The following NRDE2 variants were observed in gnomAD, a reference collection of about 807,000 sequenced individuals.
NRDE2 encodes the protein NRDE-2, necessary for RNA interference, domain containing.
Under a neutral mutation model 124.2 loss-of-function variants are expected in NRDE2, and 76 were observed. That is an observed-to-expected ratio of 0.61 (90% CI 0.51 to 0.74). The LOEUF (loss-of-function observed/expected upper bound fraction) is 0.74. Ranked by LOEUF, NRDE2 falls within the 30% of genes least tolerant of loss-of-function variation. NRDE2 has a pLI of 0.00. For synonymous variants in NRDE2, 489 were observed against 528.1 expected, an observed-to-expected ratio of 0.93 and a Z score of 1.01; for missense variants, 1,314 against 1,417.3, an observed-to-expected ratio of 0.93 and a Z score of 1.17.
At chr14:90,283,493 C>T (rs1892010959) in intron 12 of NRDE2, among the ~76,000 whole-genome samples, 1 of 152,116 alleles carries the variant, frequency 6.6e-6, no homozygotes, top group South Asian at 2.1e-4. Flanking sequence ...TATCAGGGAG[C>T]ATCTGCTCTG....
rs1378550403 is a variant in NRDE2, at chr14:90,270,177, C to G, written c.*8159G>C. ...CTGGGTTTGGATGTTGGTGTGACTT[C>G]AAATCTCTTTGTACCTGCAGGCCGC... On this transcript the variant is annotated 3_prime_UTR_variant, in exon 14 of 14. Coordinates refer to ENST00000354366, the MANE Select transcript of NRDE2 (RefSeq NM_017970.4). 6.2e-7 allele frequency: 1 copy of G among 1,611,838 alleles called. No individual in the cohort carries two copies. The highest frequency in any genetic ancestry group is 8.5e-7 in the Non-Finnish European group (1 of 1,178,356).
chr14:90,272,228 A>AG lies in NRDE2; in HGVS notation c.*6107_*6108insC, dbSNP rs754570350. On this transcript the variant is annotated 3_prime_UTR_variant, in exon 14 of 14. Transcript: ENST00000354366. This position sits in a 1 kb window ranked among gnomAD's most constrained non-coding sequence, Gnocchi z 4.5. The stretch of plus-strand genomic sequence containing the variant: ...GTTTTTTGGAATTCCTTGTTAGAAT[A>AG]AAAATGAGTATGTCACTTTCTGAAC... The AG allele has an allele frequency of 6.3e-6, 10 of 1,594,018 alleles. No individual in the cohort carries two copies. The highest frequency in any genetic ancestry group is 8.5e-6 in the Non-Finnish European group (10 of 1,174,308).
intron 8 of NRDE2, among the ~76,000 whole-genome samples, chr14:90,297,603 T>C (rs1477847554): frequency 6.6e-6 from 1 of 152,116 alleles, no homozygotes; most frequent in East Asian, 1.9e-4. Context: ...GTCTGTACAC[T>C]GACAGGATAA....
intron 1 of NRDE2, among the ~76,000 whole-genome samples, chr14:90,320,426 G>A (rs962102625): frequency 4.6e-5 from 7 of 152,138 alleles, no homozygotes; most frequent in South Asian, 2.1e-4. Flanking sequence ...AGCATGGGGC[G>A]AACTGCCCCC....
chr14:90,317,387 T>C (rs1449434594), intron 2 of NRDE2, among the ~76,000 whole-genome samples: 1 of 152,186 alleles, frequency 6.6e-6, no homozygotes, highest in Non-Finnish European at 1.5e-5. Context: ...GAGATGACAA[T>C]GAGCTCTTCT....
rs563699361 is a variant in NRDE2 at position 90,276,873 on chromosome 14, C to T, written c.*1463G>A. On this transcript the variant is annotated 3_prime_UTR_variant, in exon 14 of 14. Transcript: ENST00000354366. The stretch of plus-strand genomic sequence containing the variant: ...GTCCTGGACTTCCTACTCCCTGCCC[C>T]CAATCAGGTCGGTGACATGTCTGGC... 9 of 152,462 alleles carry T rather than the reference C, an allele frequency of 5.9e-5. No individual in the cohort carries two copies. In the South Asian group the frequency reaches 1.9e-3, roughly 32 times the overall value. 9.4% of individuals were successfully genotyped at this position (152,462 alleles called of 1,614,324 possible).
In NRDE2 at chr14:90,290,308, G is replaced by A; in HGVS notation, c.2142C>T (p.Arg714=). Residue 714 remains arginine, a synonymous_variant, in exon 10 of 14, where the codon CGC becomes CGT. Transcript: ENST00000354366. ...AAGGCATGACAAGGTGGAAGACATT[G>A]CGGATGAACTCCTCGCCCTCTCGGT... ...GQNREGEEFI[R]NVFHLVMPLF... 2 of 1,614,132 alleles carry A rather than the reference G, an allele frequency of 1.2e-6. No homozygotes were observed. Among genetic ancestry groups the A allele is most frequent in the Non-Finnish European group, 1.7e-6 (2 of 1,180,044 alleles).
chr14:90,272,203 GT>G lies in NRDE2; in HGVS notation c.*6132del. 6 of 1,572,506 alleles carry G rather than the reference GT, an allele frequency of 3.8e-6. No homozygotes were observed. The South Asian group carries it at 5.9e-5, about 15-fold the overall frequency. ...GCCACCGCGCCTGGCCTCAGAATAG[GT>G]TTTTTGGAATTCCTTGTTAGAATAA... On this transcript the variant is annotated 3_prime_UTR_variant, in exon 14 of 14. Coordinates refer to ENST00000354366, the MANE Select transcript of NRDE2 (RefSeq NM_017970.4). This position sits in a 1 kb window ranked among gnomAD's most constrained non-coding sequence, Gnocchi z 4.5.
chr14:90,276,502 A>C lies in NRDE2; in HGVS notation c.*1834T>G, dbSNP rs1194112989. On this transcript the variant is annotated 3_prime_UTR_variant, in exon 14 of 14. Transcript: ENST00000354366. ...CCAAAGTGCTGGGATTACAGACGTG[A>C]GCCACCGCGCCTGGCCTCAAATGGG... 6.6e-6 allele frequency: 1 copy of C among 152,164 alleles called. No homozygotes were observed. Among genetic ancestry groups the C allele is most frequent in the African/African-American group, 2.4e-5 (1 of 41,420 alleles). 9.4% of individuals were successfully genotyped at this position (152,164 alleles called of 1,614,324 possible).
intron 8 of NRDE2, among the ~76,000 whole-genome samples, chr14:90,296,015 T>C (rs1884135330): frequency 6.6e-6 from 1 of 152,234 alleles, no homozygotes; most frequent in Non-Finnish European, 1.5e-5. Context: ...TGATTTTAAG[T>C]GACCATTAGA....
intron 1 of NRDE2, among the ~76,000 whole-genome samples, chr14:90,324,433 T>C (rs938974565): frequency 6.6e-6 from 1 of 152,078 alleles, no homozygotes; most frequent in Non-Finnish European, 1.5e-5. Context: ...CCCAGCACTT[T>C]GGGAGGCCGA....
chr14:90,324,277 T>C (rs1451672485), intron 1 of NRDE2, among the ~76,000 whole-genome samples: 1 of 152,106 alleles, frequency 6.6e-6, no homozygotes, highest in Non-Finnish European at 1.5e-5. Context: ...GTTTGAGAGC[T>C]TGGCATTACC....
rs1224907437 is a variant in NRDE2, at chr14:90,272,066, G to A, written c.*6270C>T. ...TGCCACCGTCCCTGGCTAACTTTTT[G>A]TATTTTTAGTAGAGATGGGGTTTCA... is the stretch of plus-strand genomic sequence containing the variant. On this transcript the variant is annotated 3_prime_UTR_variant, in exon 14 of 14. Transcript: ENST00000354366. This position sits in a 1 kb window ranked among gnomAD's most constrained non-coding sequence, Gnocchi z 4.5. 2 of 391,588 alleles carry A rather than the reference G, an allele frequency of 5.1e-6. No homozygotes were observed. The highest frequency in any genetic ancestry group is 4.3e-5 in the African/African-American group (2 of 46,104). The allele number at this position is 391,588 out of a possible 1,614,324, so 24.3% of individuals were successfully genotyped here.
rs1885657415 is a variant in NRDE2, at chr14:90,330,761, C to T, written c.64+1080G>A. Among the ~76,000 whole-genome samples, 7 of 148,028 alleles carry T rather than the reference C, an allele frequency of 4.7e-5. No homozygotes were observed. In the South Asian group the frequency reaches 1.5e-3, roughly 31 times the overall value. On this transcript the variant is annotated intron_variant, in intron 1 of 13. Transcript: ENST00000354366. ...AGTCTGAGGCGGCAGTGAGTTATGA[C>T]AGTGCCACTGTACTCCAGCCTGGGC...
At chr14:90,307,992 C>T (rs1884679273) in intron 4 of NRDE2, among the ~76,000 whole-genome samples, 1 of 152,180 alleles carries the variant, frequency 6.6e-6, no homozygotes, top group Admixed American at 6.5e-5. Context: ...AAGCGATCCT[C>T]CTGTCTTGAC....
rs773365751 is a variant in NRDE2, at chr14:90,290,340, C to T, written c.2110G>A (p.Gly704Ser). The change falls in exon 10 of 14, where the codon GGT becomes AGT. Residue 704 changes from glycine to serine, a missense_variant. Physicochemically the swap from Gly to Ser is moderately conservative, Grantham distance 56. Transcript: ENST00000354366. ...AACTCCTCGCCCTCTCGGTTCTGAC[C>T]CCTGGTCCAGCGAGGATAGCCCAAC... Reference protein sequence around the residue: ...DRLGYPRWTRGQNREGEEFIR... With the variant: ...DRLGYPRWTRSQNREGEEFIR... 2.2e-5 allele frequency: 36 copies of T among 1,614,070 alleles called. No individual in the cohort carries two copies. The South Asian group carries it at 3.3e-4, about 15-fold the overall frequency.
Position 90,331,859 on chromosome 14 carries a change from C to G in NRDE2, c.46G>C (p.Gly16Arg), listed in dbSNP as rs775832134. ...AFAGLSEAPD[G>R]GSSRKELDWL... ...TGCTTACCTTTCCTGGAGCTCCCGCCATCGGGAGCCTCACTAAGCCCCGCA... is the reference window on the plus strand; with the variant it reads ...TGCTTACCTTTCCTGGAGCTCCCGCGATCGGGAGCCTCACTAAGCCCCGCA... The change falls in exon 1 of 14, where the codon GGC (glycine) becomes CGC (arginine). Residue 16 changes from glycine to arginine, a missense_variant. Coordinates refer to ENST00000354366, the MANE Select transcript of NRDE2 (RefSeq NM_017970.4). The G allele has an allele frequency of 6.2e-7, 1 of 1,614,130 alleles. No homozygotes were observed. Among genetic ancestry groups the G allele is most frequent in the South Asian group, 1.1e-5 (1 of 91,086 alleles).
chr14:90,311,743 T>C (rs1884845631), intron 4 of NRDE2, among the ~76,000 whole-genome samples: 1 of 151,874 alleles, frequency 6.6e-6, no homozygotes, highest in Non-Finnish European at 1.5e-5. Context: ...ACACATAAAA[T>C]ACACTAATAC....
rs780580112 is a variant in NRDE2 at position 90,317,986 on chromosome 14, T to A, written c.173+19A>T. On this transcript the variant is annotated intron_variant, in intron 2 of 13. Transcript: ENST00000354366. ...GTAAACTGACAAAAACGAAAACACA[T>A]CTGTCAAACAAAAACTACCTTGTCA... 3 of 1,599,938 alleles carry A rather than the reference T, an allele frequency of 1.9e-6. No individual in the cohort carries two copies. The highest frequency in any genetic ancestry group is 1.1e-5 in the South Asian group (1 of 90,346).
Sources: allele counts gnomAD v4.1 joint callset (sites outside exome capture counted in the v4.1 genomes callset), GRCh38; gene constraint gnomAD v4.1.1; non-coding constraint Gnocchi (gnomAD v3.1); transcripts MANE v1.5; gene names NCBI Gene and HGNC (gene_info 2026-07-23, HGNC 2026-07-21).